The following GNAQ variants were observed in gnomAD, a reference collection of about 807,000 sequenced individuals.
GNAQ encodes guanine nucleotide-binding protein G(q) subunit alpha.
Under a neutral mutation model 43.9 loss-of-function variants are expected in GNAQ, and 8 were observed. That is an observed-to-expected ratio of 0.18 (90% confidence interval 0.11 to 0.33). The LOEUF (loss-of-function observed/expected upper bound fraction) is 0.33, where lower values mean the gene tolerates loss of function less well. Among genes scored for constraint, GNAQ ranks in the 10% least tolerant of loss-of-function variants. The pLI, the probability that GNAQ is intolerant of heterozygous loss-of-function variation, is 1.00. For synonymous variants in GNAQ, 155 were observed against 170.7 expected (o/e 0.91, Z 0.71); for missense variants, 158 against 450.8 (o/e 0.35, Z 5.88).
chr9:77,957,639 A>G (rs1823059297), intron 1 of GNAQ, among the ~76,000 whole-genome samples: 1 of 152,186 alleles, frequency 6.6e-6, no homozygotes, highest in South Asian at 2.1e-4. Flanking sequence ...TGAGTGAAAG[A>G]AAGGTCAGAT....
intron 5 of GNAQ, among the ~76,000 whole-genome samples, chr9:77,772,145 T>C (rs756137852): frequency 2.6e-5 from 4 of 152,240 alleles, no homozygotes; most frequent in Non-Finnish European, 4.4e-5. Context: ...TGTTTTATAT[T>C]GTACCTAGTC....
chr9:77,816,374 T>C (rs548537009), intron 2 of GNAQ, among the ~76,000 whole-genome samples: 11 of 152,348 alleles, frequency 7.2e-5, no homozygotes, highest in Middle Eastern at 6.8e-3. Flanking sequence ...ATATTTGTTT[T>C]GTATCTGCCT....
At chr9:78,001,041 A>G (rs764421580) in intron 1 of GNAQ, among the ~76,000 whole-genome samples, 31 of 152,182 alleles carry the variant, frequency 2.0e-4, no homozygotes, top group Non-Finnish European at 3.7e-4. Flanking sequence ...AATTAAACAA[A>G]GGCATTTCTG....
chr9:77,981,566 C>G lies in GNAQ; in HGVS notation c.136+49534G>C, dbSNP rs369268195. On this transcript the variant is annotated intron_variant, in intron 1 of 6. Coordinates refer to ENST00000286548, the MANE Select transcript of GNAQ (RefSeq NM_002072.5). ...TCACTGTGAATCAGGAAGTTCATAG[C>G]TGGCTGTGCACTCCCAGGCTGTATA... Among the ~76,000 whole-genome samples, 13 of 152,304 alleles carry G rather than the reference C, an allele frequency of 8.5e-5. 1 individual carries two copies. The highest frequency in any genetic ancestry group is 3.1e-4 in the African/African-American group (13 of 41,552).
intron 2 of GNAQ, among the ~76,000 whole-genome samples, chr9:77,850,599 CA>C (rs1348674332): frequency 6.6e-6 from 1 of 152,186 alleles, no homozygotes; most frequent in Non-Finnish European, 1.5e-5. Context: ...CAGGACAAAG[CA>C]TTTCTGATTT....
intron 1 of GNAQ, among the ~76,000 whole-genome samples, chr9:78,018,124 C>A (rs777395095): frequency 1.2e-4 from 18 of 151,842 alleles, no homozygotes; most frequent in Non-Finnish European, 2.4e-4. Flanking sequence ...CCACCAAGAA[C>A]TTCATCACAG....
chr9:77,808,354 G>A (rs1826861204), intron 3 of GNAQ, among the ~76,000 whole-genome samples: 1 of 150,568 alleles, frequency 6.6e-6, no homozygotes, highest in African/African-American at 2.4e-5. Context: ...GACAAATGCA[G>A]GGCTTTTTGT....
chr9:77,803,268 G>A (rs1462620304), intron 3 of GNAQ, among the ~76,000 whole-genome samples: 1 of 152,200 alleles, frequency 6.6e-6, no homozygotes, highest in African/African-American at 2.4e-5. Flanking sequence ...AACACAGAAA[G>A]AGAAAGCATT....
intron 5 of GNAQ, among the ~76,000 whole-genome samples, chr9:77,736,526 A>G (rs1296551623): frequency 3.9e-5 from 6 of 152,326 alleles, no homozygotes; most frequent in African/African-American, 1.2e-4. Context: ...CTGCATATGC[A>G]TCAATGTATT....
At chr9:77,913,597 G>A (rs955249810) in intron 2 of GNAQ, among the ~76,000 whole-genome samples, 27 of 152,158 alleles carry the variant, frequency 1.8e-4, no homozygotes, top group South Asian at 6.2e-4. Flanking sequence ...AGTTAACAAC[G>A]TGGGTGAATT....
intron 5 of GNAQ, among the ~76,000 whole-genome samples, chr9:77,738,233 T>G (rs1014725690): frequency 2.9e-4 from 44 of 152,304 alleles, no homozygotes; most frequent in African/African-American, 1.1e-3. Context: ...CAAGAGTGCT[T>G]TCCAATTCAA....
chr9:77,740,859 A>G (rs551806567), intron 5 of GNAQ, among the ~76,000 whole-genome samples: 1 of 152,320 alleles, frequency 6.6e-6, no homozygotes, highest in African/African-American at 2.4e-5. Context: ...AGGCACTGGC[A>G]AGCATTTCTA....
chr9:77,897,223 C>T (rs553829185), intron 2 of GNAQ, among the ~76,000 whole-genome samples: 1 of 152,220 alleles, frequency 6.6e-6, no homozygotes, highest in African/African-American at 2.4e-5. Context: ...TTTGCTGGAT[C>T]ACAGAATGTG....
chr9:77,957,494 G>A (rs1341423119), intron 1 of GNAQ, among the ~76,000 whole-genome samples: 1 of 152,156 alleles, frequency 6.6e-6, no homozygotes, highest in Admixed American at 6.5e-5. Flanking sequence ...ACACAGGAAG[G>A]CGCAGAATCA....
rs1160126851 is a variant in GNAQ, at chr9:77,716,877, G to C, written c.*4446C>G. The C allele has an allele frequency of 8.6e-6, 2 of 232,650 alleles. No individual in the cohort carries two copies. Among genetic ancestry groups the C allele is most frequent in the Non-Finnish European group, 1.7e-5 (2 of 117,802 alleles). 14.4% of individuals were successfully genotyped at this position (232,650 alleles called of 1,614,324 possible). A position where few individuals can be genotyped will look rare whatever the true frequency, so the allele number is the denominator to read the frequency against. ...TGTGCTAGGTGTGTATTCATACTTT[G>C]AACATATGATTCTAGAGGCAAGAGT... On this transcript the variant is annotated 3_prime_UTR_variant, in exon 7 of 7. Transcript: ENST00000286548.
At chr9:78,005,636 C>T (rs1209340499) in intron 1 of GNAQ, among the ~76,000 whole-genome samples, 1 of 152,178 alleles carries the variant, frequency 6.6e-6, no homozygotes, top group African/African-American at 2.4e-5. Flanking sequence ...GGAACTTTTA[C>T]CAACACCATC....
intron 1 of GNAQ, among the ~76,000 whole-genome samples, chr9:77,998,248 A>G (rs1823600341): frequency 6.6e-6 from 1 of 152,216 alleles, no homozygotes; most frequent in Non-Finnish European, 1.5e-5. Flanking sequence ...ACAACAAATG[A>G]GGAGAGATAG....
intron 2 of GNAQ, among the ~76,000 whole-genome samples, chr9:77,850,052 T>C (rs750787742): frequency 1.8e-4 from 28 of 152,318 alleles, no homozygotes; most frequent in East Asian, 1.4e-3. Context: ...GCACCTTACC[T>C]ATTCAGCCAG....
intron 5 of GNAQ, among the ~76,000 whole-genome samples, chr9:77,761,987 G>A (rs1826038940): frequency 7.1e-6 from 1 of 140,292 alleles, no homozygotes; most frequent in East Asian, 2.3e-4. Flanking sequence ...CCCCGTCCGG[G>A]AGGTGAGGGG....
Sources: gnomAD v4.1 joint callset for allele counts (sites outside exome capture counted in the v4.1 genomes callset) on GRCh38, gnomAD v4.1.1 for gene constraint, MANE v1.5 for transcripts, NCBI Gene and HGNC (gene_info 2026-07-23, HGNC 2026-07-21) for gene names.